Variants in BMP6 observed in about 807,000 individuals in gnomAD.
BMP6 encodes bone morphogenetic protein 6.
A neutral mutation model predicts 54.1 loss-of-function variants in BMP6; 17 were observed. That is an observed-to-expected ratio of 0.31 (90% CI 0.22 to 0.47). The LOEUF is 0.47. Among genes scored for constraint, BMP6 ranks in the 20% least tolerant of loss-of-function variants. The probability of loss-of-function intolerance (pLI) is 1.00; values close to 1 mark genes in which losing one functional copy is unlikely to be tolerated. For synonymous variants in BMP6, 328 were observed against 291.2 expected (o/e 1.13, Z -1.28); for missense variants, 720 against 690.4 (o/e 1.04, Z -0.48).
At chr6:7,870,518 A>G (rs1280964535) in intron 4 of BMP6, among the ~76,000 whole-genome samples, 1 of 152,096 alleles carries the variant, frequency 6.6e-6, no homozygotes, top group Non-Finnish European at 1.5e-5. Context: ...TCTGAGGGGG[A>G]TGGTGCCTGT....
In BMP6 at chr6:7,862,312, C is replaced by G. The variant is rs760999142; in HGVS notation, c.1018C>G (p.His340Asp). 2 of 1,614,092 alleles carry G rather than the reference C, an allele frequency of 1.2e-6. No homozygotes were observed. Among genetic ancestry groups the G allele is most frequent in the African/African-American group, 1.3e-5 (1 of 74,932 alleles). Residue 340 changes from histidine to aspartate, a missense_variant, in exon 4 of 7, where the codon CAC becomes GAC. Physicochemically the swap from His to Asp is moderately conservative, Grantham distance 81. Transcript: ENST00000283147. ...GATTTGCATTAAAGGAGTCCACGTC[C>G]ACCCCCGAGCCGCAGGCCTGGTGGG... ...SVVTRDGVHV[H>D]PRAAGLVGRD...
At chr6:7,862,837 G>A (rs1158965580) in intron 4 of BMP6, among the ~76,000 whole-genome samples, 3 of 152,088 alleles carry the variant, frequency 2.0e-5, no homozygotes, top group Non-Finnish European at 2.9e-5. Flanking sequence ...TTCTAGTTGC[G>A]TTATGCTGGG....
chr6:7,779,876 G>T (rs183139492), intron 1 of BMP6, among the ~76,000 whole-genome samples: 1 of 152,114 alleles, frequency 6.6e-6, no homozygotes, highest in Non-Finnish European at 1.5e-5. Context: ...CCTTTTCCTG[G>T]TACCTCCTTG....
intron 1 of BMP6, among the ~76,000 whole-genome samples, chr6:7,740,808 C>T (rs1252700097): frequency 2.0e-5 from 3 of 152,204 alleles, no homozygotes; most frequent in African/African-American, 7.2e-5. Context: ...TTACTCCCAT[C>T]TTCCCATCAT....
chr6:7,776,917 G>A (rs548305748), intron 1 of BMP6, among the ~76,000 whole-genome samples: 19 of 152,234 alleles, frequency 1.2e-4, no homozygotes, highest in Non-Finnish European at 2.5e-4. Flanking sequence ...ATAGTAGGGT[G>A]AGAATTGGAT....
intron 1 of BMP6, among the ~76,000 whole-genome samples, chr6:7,804,486 A>G (rs1758317468): frequency 6.6e-6 from 1 of 152,164 alleles, no homozygotes; most frequent in Admixed American, 6.5e-5. Context: ...CTCTATGACT[A>G]TTGGGACCAG....
At chr6:7,875,645 G>A (rs148380645) in intron 4 of BMP6, among the ~76,000 whole-genome samples, 78 of 152,266 alleles carry the variant, frequency 5.1e-4, no homozygotes, top group African/African-American at 1.7e-3. Flanking sequence ...TCCAGCTTGC[G>A]TGACAGAGCA....
chr6:7,727,476 C>T lies in BMP6; in HGVS notation c.521C>T (p.Pro174Leu). 3.1e-6 allele frequency: 5 copies of T among 1,593,320 alleles called. No homozygotes were observed. In the Middle Eastern group the frequency reaches 5.0e-4, roughly 159 times the overall value. ...GCCAGCTCGTCCCAGCGTCGGCAGCCGCCCCCGGGCGCCGCGCACCCGCTC... is the reference window on the plus strand; with the variant it reads ...GCCAGCTCGTCCCAGCGTCGGCAGCTGCCCCCGGGCGCCGCGCACCCGCTC... ...EAASSSQRRQ[P>L]PPGAAHPLNR... Residue 174 changes from proline to leucine, a missense_variant, in exon 1 of 7, where the codon CCG becomes CTG. Physicochemically the swap from Pro to Leu is moderately conservative, Grantham distance 98. Around this residue, in one of 3 missense-constraint regions of BMP6, gnomAD observed 650 missense variants for 556.3 expected, o/e 1.17. Transcript: ENST00000283147.
At chr6:7,876,647 CTGTTA>C (rs1759622211) in intron 4 of BMP6, among the ~76,000 whole-genome samples, 3 of 152,210 alleles carry the variant, frequency 2.0e-5, no homozygotes, top group African/African-American at 7.2e-5. Flanking sequence ...TATAACTAAT[CTGTTA>C]AGTAATCTGT....
chr6:7,862,615 T>G, intron 4 of BMP6, 117 bp downstream of exon 4: 2 of 1,297,036 alleles, frequency 1.5e-6, no homozygotes, highest in South Asian at 2.6e-5. Flanking sequence ...CAAAGGCAAA[T>G]AGGTGTCATA....
chr6:7,842,956 A>G (rs1759001017), intron 1 of BMP6, among the ~76,000 whole-genome samples: 1 of 152,238 alleles, frequency 6.6e-6, no homozygotes, highest in Non-Finnish European at 1.5e-5. Context: ...AAAAAGCTCT[A>G]TAGAGAAAAG....
At chr6:7,804,087 G>A (rs1291962231) in intron 1 of BMP6, among the ~76,000 whole-genome samples, 1 of 152,154 alleles carries the variant, frequency 6.6e-6, no homozygotes, top group Admixed American at 6.5e-5. Context: ...GAAACAATAA[G>A]GGATTTGTTC....
chr6:7,837,457 A>G (rs541799228), intron 1 of BMP6, among the ~76,000 whole-genome samples: 61 of 152,360 alleles, frequency 4.0e-4, no homozygotes, highest in African/African-American at 1.5e-3. Context: ...AAATAATGAG[A>G]GGATTCTATG....
intron 1 of BMP6, among the ~76,000 whole-genome samples, chr6:7,844,646 C>T (rs749159777): frequency 3.9e-5 from 6 of 152,094 alleles, no homozygotes; most frequent in Non-Finnish European, 7.4e-5. Context: ...ATGTTCAGCT[C>T]AGGGCTGCCC....
chr6:7,775,779 T>A (rs1757853692), intron 1 of BMP6, among the ~76,000 whole-genome samples: 2 of 152,208 alleles, frequency 1.3e-5, no homozygotes, highest in South Asian at 4.1e-4. Flanking sequence ...GGAGATAAAT[T>A]TGCTGATGTT....
chr6:7,870,184 C>T (rs1364237078), intron 4 of BMP6, among the ~76,000 whole-genome samples: 3 of 152,198 alleles, frequency 2.0e-5, no homozygotes, highest in African/African-American at 7.2e-5. Context: ...ATGAAAGACA[C>T]ACCTGGGGCT....
At chr6:7,790,925 C>G (rs1363686628) in intron 1 of BMP6, among the ~76,000 whole-genome samples, 1 of 152,130 alleles carries the variant, frequency 6.6e-6, no homozygotes, top group East Asian at 1.9e-4. Flanking sequence ...TTTGCATGTT[C>G]GAGTCCACCC....
At chr6:7,759,165 G>T (rs745755080) in intron 1 of BMP6, among the ~76,000 whole-genome samples, 1 of 152,122 alleles carries the variant, frequency 6.6e-6, no homozygotes, top group Non-Finnish European at 1.5e-5. Flanking sequence ...GATTCTTGAA[G>T]TTTCATATCC....
intron 6 of BMP6, 29 bp from the exon 7 acceptor site, chr6:7,880,165 G>A: frequency 1.2e-6 from 2 of 1,614,010 alleles, no homozygotes; most frequent in South Asian, 1.1e-5. Flanking sequence ...CATTTCTAAG[G>A]TACCTTCTCC....
Sources: gnomAD v4.1 joint callset for allele counts (sites outside exome capture counted in the v4.1 genomes callset) on GRCh38, gnomAD v4.1.1 for gene constraint, gnomAD v4.1.1 regional missense constraint, MANE v1.5 for transcripts, NCBI Gene and HGNC (gene_info 2026-07-23, HGNC 2026-07-21) for gene names.